The following ACSM3 variants were observed in gnomAD, a reference collection of about 807,000 sequenced individuals.
The protein encoded by ACSM3 is acyl-CoA synthetase medium chain family member 3, also known as acyl-coenzyme A synthetase ACSM3, mitochondrial.
ACSM3 carries 61 observed loss-of-function variants against 74.1 expected under a neutral mutation model. The observed-to-expected ratio is 0.82, with a 90% CI of 0.67 to 1.02. The LOEUF is 1.02. ACSM3 is among the 50% of genes least tolerant of loss of function. The pLI is 0.00. For synonymous variants in ACSM3, 213 were observed against 241.5 expected, an observed-to-expected ratio of 0.88 and a Z score of 1.09; for missense variants, 660 against 697.0, an observed-to-expected ratio of 0.95 and a Z score of 0.60.
At chr16:20,783,612 G>A (rs1356555628) in intron 7 of ACSM3, 2 of 152,050 alleles carry the variant, frequency 1.3e-5, no homozygotes, top group Non-Finnish European at 2.9e-5. Context: ...TTAAACTGAT[G>A]TTATTTAATT....
At position 20,790,686 on chromosome 16, in the gene ACSM3, G is replaced by A. The variant is rs146721389; in HGVS notation, c.1324G>A (p.Val442Ile). Residue 442 changes from valine to isoleucine, a missense_variant and splice_region_variant, in exon 10 of 14, where the codon GTA becomes ATA. By Grantham distance (29) the Val-to-Ile change is conservative (BLOSUM62 3). Coordinates refer to ENST00000289416, the MANE Select transcript of ACSM3 (RefSeq NM_005622.4). This position sits in a 1 kb window ranked among gnomAD's most constrained non-coding sequence, Gnocchi z 4.0. Reference sequence around the variant, plus strand: ...ACCATTTGGCCTTTTTACTCATTACGTAGTAAGTGACTTACTAAATAATCT... The same window carrying A: ...ACCATTTGGCCTTTTTACTCATTACATAGTAAGTGACTTACTAAATAATCT... ...NRPFGLFTHY[V>I]DNPSKTASTL... is the part of the protein sequence containing the mutation. The A allele has an allele frequency of 3.0e-5, 48 of 1,613,242 alleles. No homozygotes were observed. The highest frequency in any genetic ancestry group is 1.6e-4 in the African/African-American group (12 of 74,894).
Position 20,715,154 on chromosome 16 carries a change from C to G in ACSM3, c.-189-34756C>G, listed in dbSNP as rs145577171. Among the ~76,000 whole-genome samples, 554 of 152,222 alleles carry G rather than the reference C, an allele frequency of 3.6e-3. 3 individuals are homozygous for G. Among genetic ancestry groups the G allele is most frequent in the African/African-American group, 0.013 (520 of 41,518 alleles). The stretch of plus-strand genomic sequence containing the variant: ...AAGGTATCAGATTCTGTGAAGAAAT[C>G]CCCCTCTCTCTAGCCCAACACATAC... On this transcript the variant is annotated intron_variant, in intron 1 of 3. Transcript: ENST00000561584.
At chr16:20,725,371 A>C (rs2079801161) in intron 1 of ACSM3, 1 of 246,228 alleles carries the variant, frequency 4.1e-6, no homozygotes, top group Admixed American at 4.1e-5. Flanking sequence ...GACACTTACC[A>C]CTTATCCCAT....
intron 1 of ACSM3, among the ~76,000 whole-genome samples, chr16:20,675,448 G>A (rs568937632): frequency 2.6e-5 from 4 of 152,224 alleles, no homozygotes; most frequent in African/African-American, 7.2e-5. Flanking sequence ...GGAAAGGCAC[G>A]TTCCTGGCTA....
At chr16:20,755,789 C>T (rs1239325675) in intron 3 of ACSM3, among the ~76,000 whole-genome samples, 1 of 111,126 alleles carries the variant, frequency 9.0e-6, no homozygotes, top group Non-Finnish European at 1.9e-5. Context: ...TCCCCCCCCC[C>T]CACCCCACAG....
chr16:20,779,914 G>A (rs1267060592), intron 4 of ACSM3: 2 of 180,474 alleles, frequency 1.1e-5, no homozygotes, highest in Non-Finnish European at 2.4e-5. Context: ...ACAGGTATGT[G>A]CCACTGTGCC....
intron 1 of ACSM3, 39 bp from the exon 2 acceptor site, chr16:20,769,945 G>A: frequency 7.3e-7 from 1 of 1,368,840 alleles, no homozygotes; most frequent in East Asian, 2.3e-5. Flanking sequence ...CTACCTTCAG[G>A]ACAGAAACAA....
intron 1 of ACSM3, among the ~76,000 whole-genome samples, chr16:20,746,699 T>C (rs1285291117): frequency 1.3e-5 from 2 of 152,172 alleles, no homozygotes; most frequent in African/African-American, 4.8e-5. Flanking sequence ...TGGAACCCAA[T>C]TTTAAACCAA....
At chr16:20,677,282 CT>C (rs1478536479) in intron 1 of ACSM3, among the ~76,000 whole-genome samples, 1 of 150,334 alleles carries the variant, frequency 6.7e-6, no homozygotes, top group Non-Finnish European at 1.5e-5. Context: ...CCAGATCTAA[CT>C]AACTAAGCTT....
chr16:20,675,724 A>C (rs964549172), intron 1 of ACSM3, among the ~76,000 whole-genome samples: 1 of 152,216 alleles, frequency 6.6e-6, no homozygotes, highest in African/African-American at 2.4e-5. Context: ...GTGTGTTTTA[A>C]GGTAGTGACT....
At chr16:20,682,701 C>A (rs571108850) in intron 1 of ACSM3, among the ~76,000 whole-genome samples, 13 of 152,242 alleles carry the variant, frequency 8.5e-5, no homozygotes, top group African/African-American at 2.9e-4. Context: ...ATTTGTAAGC[C>A]CTGCCCTAAT....
intron 2 of ACSM3, among the ~76,000 whole-genome samples, chr16:20,773,786 A>G (rs1032377664): frequency 2.6e-5 from 4 of 152,224 alleles, no homozygotes; most frequent in Admixed American, 1.3e-4. Context: ...CATATGGTCT[A>G]TTCTGGAGAA....
chr16:20,675,395 T>C (rs915330748), intron 1 of ACSM3, among the ~76,000 whole-genome samples: 36 of 152,204 alleles, frequency 2.4e-4, no homozygotes, highest in African/African-American at 8.7e-4. Context: ...ATGTTGCATA[T>C]GGCTGATAGG....
intron 1 of ACSM3, among the ~76,000 whole-genome samples, chr16:20,710,046 T>C (rs2079739455): frequency 6.6e-6 from 1 of 152,252 alleles, no homozygotes; most frequent in Non-Finnish European, 1.5e-5. Flanking sequence ...CTTTAGAAAG[T>C]ACAAACTACC....
At chr16:20,720,885 G>A (rs1393736235) in intron 1 of ACSM3, 1 of 152,170 alleles carries the variant, frequency 6.6e-6, no homozygotes, top group Admixed American at 6.5e-5. Flanking sequence ...CTGACTTACA[G>A]ATTAAACATT....
intron 1 of ACSM3, among the ~76,000 whole-genome samples, chr16:20,744,649 G>A (rs1258411639): frequency 6.6e-6 from 1 of 152,206 alleles, no homozygotes; most frequent in Non-Finnish European, 1.5e-5. Context: ...CTCCCAAAGT[G>A]CTGGGATTAC....
At chr16:20,713,720 G>A (rs576473508) in intron 1 of ACSM3, among the ~76,000 whole-genome samples, 4 of 152,210 alleles carry the variant, frequency 2.6e-5, no homozygotes, top group South Asian at 2.1e-4. Flanking sequence ...ATTTACAAAC[G>A]ATAAAGGACT....
rs757988173 is a variant in ACSM3, at chr16:20,790,680, C to T, written c.1318C>T (p.His440Tyr). The change falls in exon 10 of 14, where the codon CAT becomes TAT. Residue 440 changes from histidine (H) to tyrosine (Y), a missense_variant. Transcript: ENST00000289416. This position sits in a 1 kb window ranked among gnomAD's most constrained non-coding sequence, Gnocchi z 4.0. ...LPNRPFGLFTHYVDNPSKTAS... is the reference protein window; with the variant it reads ...LPNRPFGLFTYYVDNPSKTAS... ...CAACCGACCATTTGGCCTTTTTACT[C>T]ATTACGTAGTAAGTGACTTACTAAA... 5.6e-6 allele frequency: 9 copies of T among 1,613,958 alleles called. No homozygotes were observed. In the East Asian group the frequency reaches 6.7e-5, roughly 12 times the overall value.
At chr16:20,756,129 G>A (rs1481513181) in intron 3 of ACSM3, among the ~76,000 whole-genome samples, 1 of 151,682 alleles carries the variant, frequency 6.6e-6, no homozygotes, top group Non-Finnish European at 1.5e-5. Flanking sequence ...CATGATTTAT[G>A]GTCCTTTGGG....
Sources: allele counts gnomAD v4.1 joint callset (sites outside exome capture counted in the v4.1 genomes callset), GRCh38; gene constraint gnomAD v4.1.1; non-coding constraint Gnocchi (gnomAD v3.1); transcripts MANE v1.5; gene names NCBI Gene and HGNC (gene_info 2026-07-23, HGNC 2026-07-21).